CMIP: variants seen among roughly 807,000 people sequenced by gnomAD.
CMIP encodes c-Maf inducing protein, also known as C-Maf-inducing protein.
Under a neutral mutation model 97.3 loss-of-function variants are expected in CMIP, and 13 were observed. The ratio of observed to expected loss-of-function variants is 0.13; its 90% confidence interval spans 0.09 to 0.21. CMIP has a LOEUF of 0.21. Ranked by LOEUF, CMIP falls within the 10% of genes least tolerant of loss-of-function variation. The pLI, the probability that CMIP is intolerant of heterozygous loss-of-function variation, is 1.00. For missense variants in CMIP, 847 were observed against 1,024.9 expected, an observed-to-expected ratio of 0.83 and a Z score of 2.37; for synonymous variants, 538 against 436.3, an observed-to-expected ratio of 1.23 and a Z score of -2.91.
chr16:81,506,562 A>C (rs2089712252), intron 1 of CMIP, among the ~76,000 whole-genome samples: 1 of 152,276 alleles, frequency 6.6e-6, no homozygotes, highest in African/African-American at 2.4e-5. Flanking sequence ...TTAAGAACAG[A>C]AGCTTGATTG....
intron 1 of CMIP, among the ~76,000 whole-genome samples, chr16:81,511,174 A>T (rs1055404456): frequency 6.6e-6 from 1 of 152,226 alleles, no homozygotes; most frequent in Non-Finnish European, 1.5e-5. Flanking sequence ...CACTGTTTAG[A>T]TGCAAATCCC....
chr16:81,694,162 C>A (rs929908316), intron 13 of CMIP, among the ~76,000 whole-genome samples: 1 of 152,160 alleles, frequency 6.6e-6, no homozygotes, highest in Non-Finnish European at 1.5e-5. Flanking sequence ...CCCAGTGTTG[C>A]GCGGCTGGTC....
Position 81,652,203 on chromosome 16 carries a change from A to G in CMIP, c.478A>G (p.Lys160Glu). ...DQWFHSLQWK[K>E]KIYKYKKVLS... ...CTGTCTCTTTATCTCTTTCAACCAG[A>G]AAAAGATTTACAAATATAAGAAAGT... Residue 160 changes from lysine to glutamate, a missense_variant and splice_region_variant, in exon 4 of 21, where the codon AAA (lysine) becomes GAA (glutamate). Physicochemically the swap from Lys to Glu is moderately conservative, Grantham distance 56 (BLOSUM62 1). Around this residue, in one of 4 missense-constraint regions of CMIP, gnomAD observed 285 missense variants for 392.2 expected, o/e 0.73. Coordinates refer to ENST00000537098, the MANE Select transcript of CMIP (RefSeq NM_198390.3). The surrounding 1 kb of genome is among the most constrained non-coding windows in gnomAD (Gnocchi z 5.2). The G allele has an allele frequency of 6.2e-7, 1 of 1,611,746 alleles. No homozygotes were observed. Among genetic ancestry groups the G allele is most frequent in the Non-Finnish European group, 8.5e-7 (1 of 1,178,208 alleles).
intron 1 of CMIP, among the ~76,000 whole-genome samples, chr16:81,465,229 G>T (rs1394158574): frequency 6.6e-6 from 1 of 152,176 alleles, no homozygotes; most frequent in African/African-American, 2.4e-5. Flanking sequence ...CATTTTTGTA[G>T]GGTGTTCATT....
chr16:81,650,207 C>CT (rs1370705922), intron 3 of CMIP, among the ~76,000 whole-genome samples: 1 of 152,204 alleles, frequency 6.6e-6, no homozygotes. Context: ...GTAGGGTCTC[C>CT]AATGGCTGGC....
chr16:81,486,431 A>G (rs1461043679), intron 1 of CMIP, among the ~76,000 whole-genome samples: 2 of 152,056 alleles, frequency 1.3e-5, no homozygotes, highest in Admixed American at 6.6e-5. Flanking sequence ...TTTCTAATTC[A>G]CCTCATACGT....
At chr16:81,650,602 G>A (rs1420482073) in intron 3 of CMIP, among the ~76,000 whole-genome samples, 2 of 152,060 alleles carry the variant, frequency 1.3e-5, no homozygotes, top group African/African-American at 4.8e-5. Context: ...AGAGGAGGAA[G>A]ATGGGATGCC....
intron 1 of CMIP, among the ~76,000 whole-genome samples, chr16:81,566,813 CACAGCAATGAAAAATAA>C (rs1268848292): frequency 6.6e-6 from 1 of 152,186 alleles, no homozygotes; most frequent in Non-Finnish European, 1.5e-5. Context: ...TGGAGTACTA[CACAGCAATGAAAAATAA>C]ACACCATGGA....
chr16:81,558,724 A>G (rs138091198), intron 1 of CMIP, among the ~76,000 whole-genome samples: 408 of 152,224 alleles, frequency 2.7e-3, no homozygotes, highest in Non-Finnish European at 4.6e-3. Context: ...GGCAGCTGTG[A>G]GTATTTGCTG....
At chr16:81,607,456 T>A in intron 1 of CMIP, 111 bp from the exon 2 acceptor site, 2 of 1,381,802 alleles carry the variant, frequency 1.4e-6, no homozygotes, top group Non-Finnish European at 2.0e-6. Context: ...CTGCACCAGC[T>A]CCATTTGCCT....
chr16:81,498,031 T>A (rs1164726572), intron 1 of CMIP, among the ~76,000 whole-genome samples: 4 of 152,252 alleles, frequency 2.6e-5, no homozygotes, highest in Non-Finnish European at 5.9e-5. Flanking sequence ...GGTCTGTTCA[T>A]TCATTCATGC....
At chr16:81,604,299 G>T (rs1453275515) in intron 1 of CMIP, among the ~76,000 whole-genome samples, 1 of 151,626 alleles carries the variant, frequency 6.6e-6, no homozygotes, top group African/African-American at 2.4e-5. Flanking sequence ...AGGAGGCTGA[G>T]GCAGGAGAAT....
At chr16:81,703,839 C>G in intron 17 of CMIP, 100 bp from the exon 18 acceptor site, 3 of 1,458,486 alleles carry the variant, frequency 2.1e-6, no homozygotes, top group Non-Finnish European at 2.7e-6. Context: ...GAACAGCTCT[C>G]TGTAGGGCGA....
At chr16:81,563,943 C>G (rs1200316918) in intron 1 of CMIP, among the ~76,000 whole-genome samples, 1 of 152,252 alleles carries the variant, frequency 6.6e-6, no homozygotes, top group Non-Finnish European at 1.5e-5. Context: ...GCAGCTGGTG[C>G]CTGGGTCTGG....
At chr16:81,694,112 C>G (rs1195636588) in intron 13 of CMIP, among the ~76,000 whole-genome samples, 1 of 152,234 alleles carries the variant, frequency 6.6e-6, no homozygotes, top group Non-Finnish European at 1.5e-5. Flanking sequence ...TTCCTTTTCT[C>G]ATGCCTCACA....
At chr16:81,585,502 G>C (rs971209738) in intron 1 of CMIP, among the ~76,000 whole-genome samples, 1 of 152,182 alleles carries the variant, frequency 6.6e-6, no homozygotes, top group African/African-American at 2.4e-5. Context: ...GGCCATGACA[G>C]CCGTCTGATT....
In CMIP at chr16:81,711,638, C is replaced by G. The variant is rs1304003607; in HGVS notation, c.*1839C>G. ...AAAAGGAAAAAAAAAAAAGAAGAAACAAGACATGCCACCTTTCCCCTCGCA... is the reference window on the plus strand; with the variant it reads ...AAAAGGAAAAAAAAAAAAGAAGAAAGAAGACATGCCACCTTTCCCCTCGCA... On this transcript the variant is annotated 3_prime_UTR_variant, in exon 21 of 21. Coordinates refer to ENST00000537098, the MANE Select transcript of CMIP (RefSeq NM_198390.3). 6.9e-6 allele frequency: 1 copy of G among 144,082 alleles called. No homozygotes were observed. The highest frequency in any genetic ancestry group is 1.5e-5 in the Non-Finnish European group (1 of 64,554). The allele number at this position is 144,082 out of a possible 1,614,324, so 8.9% of individuals were successfully genotyped here.
At chr16:81,709,517 G>T (rs1360495821) in intron 20 of CMIP, among the ~76,000 whole-genome samples, 1 of 152,196 alleles carries the variant, frequency 6.6e-6, no homozygotes, top group Non-Finnish European at 1.5e-5. Context: ...ATCTGAGGCG[G>T]GGGCATGGGA....
At chr16:81,604,497 A>G (rs899129643) in intron 1 of CMIP, among the ~76,000 whole-genome samples, 1 of 151,984 alleles carries the variant, frequency 6.6e-6, no homozygotes, top group Admixed American at 6.6e-5. Context: ...CAGGAGTTCA[A>G]GACCAGCCTG....
Sources: allele counts gnomAD v4.1 joint callset (sites outside exome capture counted in the v4.1 genomes callset), GRCh38; gene constraint gnomAD v4.1.1; regional missense constraint gnomAD v4.1.1; non-coding constraint Gnocchi (gnomAD v3.1); transcripts MANE v1.5; gene names NCBI Gene and HGNC (gene_info 2026-07-23, HGNC 2026-07-21).